Variants in NNMT observed in about 807,000 individuals in gnomAD.
The protein encoded by NNMT is nicotinamide N-methyltransferase.
Under a neutral mutation model 11.7 loss-of-function variants are expected in NNMT, and 10 were observed. The ratio of observed to expected loss-of-function variants is 0.85; its 90% CI spans 0.53 to 1.45. The LOEUF is 1.45. NNMT is among the 40% of genes most tolerant of loss of function. The pLI is 0.00. For synonymous variants in NNMT, 143 were observed against 133.8 expected (o/e 1.07, Z -0.48); for missense variants, 381 against 319.4 (o/e 1.19, Z -1.47).
intron 2 of NNMT, among the ~76,000 whole-genome samples, chr11:114,265,178 A>G (rs578024228): frequency 2.8e-4 from 42 of 152,336 alleles, no homozygotes; most frequent in Non-Finnish European, 6.0e-4. Flanking sequence ...TCGCATATGA[A>G]AAGGCACTTT....
chr11:114,298,187 T>C (rs1367239460), intron 2 of NNMT, 29 bp downstream of exon 2: 1 of 1,602,360 alleles, frequency 6.2e-7, no homozygotes, highest in African/African-American at 1.3e-5. Flanking sequence ...ACTTCTTGGC[T>C]TTTGAAGGTA....
intron 2 of NNMT, among the ~76,000 whole-genome samples, chr11:114,277,049 C>A (rs1253413457): frequency 6.9e-6 from 1 of 145,018 alleles, no homozygotes; most frequent in Non-Finnish European, 1.5e-5. Flanking sequence ...CATGGTGAAA[C>A]CCCATCTCTA....
chr11:114,261,653 C>T (rs1945081970), intron 1 of NNMT, among the ~76,000 whole-genome samples: 1 of 152,320 alleles, frequency 6.6e-6, no homozygotes, highest in African/African-American at 2.4e-5. Context: ...TATCCCAGGT[C>T]AGGGTAGGGC....
chr11:114,278,612 A>ATGTGTGTG (rs3057704), intron 2 of NNMT, among the ~76,000 whole-genome samples: 100 of 147,126 alleles, frequency 6.8e-4, no homozygotes, highest in Non-Finnish European at 6.3e-4. Context: ...CCTAATACTC[A>ATGTGTGTG]TGTGTGTGTG....
At chr11:114,311,252 C>T (rs1945546399) in intron 2 of NNMT, among the ~76,000 whole-genome samples, 1 of 152,186 alleles carries the variant, frequency 6.6e-6, no homozygotes, top group South Asian at 2.1e-4. Flanking sequence ...ATCCCTTGAG[C>T]CCAGGAGTTT....
At chr11:114,300,337 T>G (rs960447740) in intron 2 of NNMT, among the ~76,000 whole-genome samples, 8 of 152,172 alleles carry the variant, frequency 5.3e-5, no homozygotes, top group Non-Finnish European at 1.2e-4. Flanking sequence ...AGAATTATGT[T>G]GCTTAATTTC....
chr11:114,268,291 GT>G (rs1178975996), intron 2 of NNMT, among the ~76,000 whole-genome samples: 1 of 152,142 alleles, frequency 6.6e-6, no homozygotes, highest in Non-Finnish European at 1.5e-5. Context: ...TGTACCTTTT[GT>G]TTTAGTCCTT....
chr11:114,285,557 T>C (rs894617130), intron 2 of NNMT, among the ~76,000 whole-genome samples: 1 of 152,196 alleles, frequency 6.6e-6, no homozygotes, highest in African/African-American at 2.4e-5. Context: ...CACATCAAAT[T>C]TGATGGGTTA....
intron 2 of NNMT, among the ~76,000 whole-genome samples, chr11:114,264,497 C>T (rs1394479378): frequency 6.6e-6 from 1 of 152,180 alleles, no homozygotes; most frequent in Non-Finnish European, 1.5e-5. Flanking sequence ...GCTTCTGACA[C>T]CTAATGTAGG....
At chr11:114,298,297 GATAGGCCCATGT>G in intron 2 of NNMT, 139 bp downstream of exon 2, 1 of 694,360 alleles carries the variant, frequency 1.4e-6, no homozygotes, top group Non-Finnish European at 2.4e-6. Flanking sequence ...AGAGAGATGA[GATAGGCCCATGT>G]GTGTGCATGT....
upstream of NNMT, among the ~76,000 whole-genome samples, chr11:114,294,582 C>T (rs1338709605): frequency 6.6e-6 from 1 of 150,518 alleles, no homozygotes; most frequent in African/African-American, 2.4e-5. Context: ...TCAAAAATAA[C>T]TAGACAAGTA....
rs757626316 is a variant in NNMT, at chr11:114,297,967, C to A, written c.171C>A (p.Asp57Glu). The change falls in exon 2 of 3, where the codon GAC becomes GAA. Residue 57 changes from aspartate (D) to glutamate (E), a missense_variant. By Grantham distance (45) the Asp-to-Glu change is conservative (BLOSUM62 2). Transcript: ENST00000299964. ...CTAATCCAGACGGTGTGAAGGGAGA[C>A]CTGCTGATTGACATCGGCTCTGGCC... The part of the protein sequence containing the change: ...KIFCLDGVKG[D>E]LLIDIGSGPT... 1 of 1,612,832 alleles carries A rather than the reference C, an allele frequency of 6.2e-7. No homozygotes were observed. The highest frequency in any genetic ancestry group is 2.2e-5 in the East Asian group (1 of 44,864).
chr11:114,283,136 T>G (rs1945273697), intron 2 of NNMT, among the ~76,000 whole-genome samples: 1 of 152,172 alleles, frequency 6.6e-6, no homozygotes, highest in Non-Finnish European at 1.5e-5. Context: ...ATTAAATATG[T>G]GGATACCTTA....
At chr11:114,303,727 AT>A (rs921175430) in intron 2 of NNMT, among the ~76,000 whole-genome samples, 1 of 151,796 alleles carries the variant, frequency 6.6e-6, no homozygotes, top group Non-Finnish European at 1.5e-5. Flanking sequence ...AGGCTATTCT[AT>A]TTTTTTTAGA....
intron 2 of NNMT, among the ~76,000 whole-genome samples, chr11:114,269,666 TCACAG>T (rs1345853181): frequency 1.3e-5 from 2 of 152,216 alleles, no homozygotes; most frequent in Non-Finnish European, 2.9e-5. Flanking sequence ...TTCTTCCCTT[TCACAG>T]CCAAGCTTTC....
rs1372437995 is a variant in NNMT at position 114,298,049 on chromosome 11, G to A, written c.253G>A (p.Asp85Asn). Residue 85 changes from aspartate to asparagine, a missense_variant, in exon 2 of 3, where the codon GAC (aspartate) becomes AAC (asparagine). Asp to Asn is a conservative substitution (Grantham distance 23, BLOSUM62 1). Transcript: ENST00000299964. ...ATCCTTTAAGGAGATCGTCGTCACTGACTACTCAGACCAGAACCTGCAGGA... is the reference window on the plus strand; with the variant it reads ...ATCCTTTAAGGAGATCGTCGTCACTAACTACTCAGACCAGAACCTGCAGGA... ...CESFKEIVVTDYSDQNLQELE... is the reference protein window; with the variant it reads ...CESFKEIVVTNYSDQNLQELE... The A allele has an allele frequency of 6.2e-7, 1 of 1,613,978 alleles. No individual in the cohort carries two copies. Among genetic ancestry groups the A allele is most frequent in the African/African-American group, 1.3e-5 (1 of 74,896 alleles).
intron 2 of NNMT, among the ~76,000 whole-genome samples, chr11:114,280,421 C>T (rs1945250946): frequency 6.6e-6 from 1 of 152,110 alleles, no homozygotes; most frequent in Non-Finnish European, 1.5e-5. Context: ...GACCAGAGCT[C>T]TCCAAAGGTG....
intron 1 of NNMT, among the ~76,000 whole-genome samples, 162 bp downstream of exon 1, chr11:114,296,872 A>G (rs1945386140): frequency 6.6e-6 from 1 of 152,182 alleles, no homozygotes; most frequent in African/African-American, 2.4e-5. Flanking sequence ...GCGATTCCAC[A>G]GTTTACAAAG....
intron 2 of NNMT, among the ~76,000 whole-genome samples, chr11:114,264,997 G>A (rs556388999): frequency 1.2e-4 from 18 of 152,192 alleles, no homozygotes; most frequent in African/African-American, 3.9e-4. Flanking sequence ...AGGCATGATT[G>A]ATTAAGTTAC....
Sources: allele counts gnomAD v4.1 joint callset (sites outside exome capture counted in the v4.1 genomes callset), GRCh38; gene constraint gnomAD v4.1.1; transcripts MANE v1.5; gene names NCBI Gene and HGNC (gene_info 2026-07-23, HGNC 2026-07-21).